CELSR3: variants seen among roughly 807,000 people sequenced by gnomAD.
The protein encoded by CELSR3 is EGF-like protein 1.
In CELSR3, 73 loss-of-function variants were observed where a neutral mutation model predicts 270.0. That is an observed-to-expected ratio of 0.27 (90% CI 0.22 to 0.33). The LOEUF (loss-of-function observed/expected upper bound fraction) is 0.33. Among genes scored for constraint, CELSR3 ranks in the 10% least tolerant of loss-of-function variants. The pLI, the probability that CELSR3 is intolerant of heterozygous loss-of-function variation, is 1.00. For synonymous variants in CELSR3, 1,780 were observed against 1,905.4 expected (o/e 0.93, Z 1.71); for missense variants, 3,614 against 4,533.8 (o/e 0.80, Z 5.83).
Position 48,640,815 on chromosome 3 carries a change from G to C in CELSR3, c.9026-256C>G, listed in dbSNP as rs1177456963. ...GGCGGGCAGGTCTCATGGTGCAGGG[G>C]ATGGGGCAAACTCCCTGAGGTCAGA... On this transcript the variant is annotated intron_variant, in intron 33 of 34. Coordinates refer to ENST00000164024, the MANE Select transcript of CELSR3 (RefSeq NM_001407.3). This position sits in a 1 kb window ranked among gnomAD's most constrained non-coding sequence, Gnocchi z 7.5. The C allele has an allele frequency of 1.3e-5, 7 of 556,216 alleles. No individual in the cohort carries two copies. Among genetic ancestry groups the C allele is most frequent in the Non-Finnish European group, 2.2e-5 (7 of 314,718 alleles). The allele number at this position is 556,216 out of a possible 1,614,324, so 34.5% of individuals were successfully genotyped here. A position where few individuals can be genotyped will look rare whatever the true frequency, so the allele number is the denominator to read the frequency against.
chr3:48,655,266 C>G lies in CELSR3; in HGVS notation c.4830+40G>C, dbSNP rs182089639. 3.7e-6 allele frequency: 6 copies of G among 1,613,918 alleles called. No individual in the cohort carries two copies. In the African/African-American group the frequency reaches 6.7e-5, roughly 18 times the overall value. ...ACCCCTGAGGAGCAGAAGTCAGCAT[C>G]CCAACTCCCCTCATACCCGATGCCA... On this transcript the variant is annotated intron_variant, in intron 5 of 34. Transcript: ENST00000164024. The surrounding 1 kb of genome is among the most constrained non-coding windows in gnomAD (Gnocchi z 5.8).
At position 48,662,473 on chromosome 3, in the gene CELSR3, C is replaced by T. The variant is rs369463194; in HGVS notation, c.162G>A (p.Ala54=). The T allele has an allele frequency of 5.0e-6, 8 of 1,612,660 alleles. No individual in the cohort carries two copies. The African/African-American group carries it at 1.1e-4, about 22-fold the overall frequency. Residue 54 remains alanine, a synonymous_variant, in exon 1 of 35, where the codon GCG becomes GCA. Coordinates refer to ENST00000164024, the MANE Select transcript of CELSR3 (RefSeq NM_001407.3). The surrounding 1 kb of genome is among the most constrained non-coding windows in gnomAD (Gnocchi z 7.1). ...GAGCTAAGGCTCCGCCACCGATATG[C>T]GCCCTTGGCCCCGTAGTGGCAGCTA... ...PGLAATTGPR[A]HIGGGALALC...
In CELSR3 at chr3:48,657,226, G is replaced by T. The variant is rs1458925745; in HGVS notation, c.3871C>A (p.Leu1291Met). The change falls in exon 2 of 35, where the codon CTG becomes ATG. Residue 1291 changes from leucine (L) to methionine (M), a missense_variant. Around this residue, in one of 7 missense-constraint regions of CELSR3, gnomAD observed 1,331 missense variants for 1,933.7 expected, o/e 0.69. Coordinates refer to ENST00000164024, the MANE Select transcript of CELSR3 (RefSeq NM_001407.3). The surrounding 1 kb of genome is among the most constrained non-coding windows in gnomAD (Gnocchi z 5.4). ...NMWQERFLSP[L>M]LGRFLEGVAA... The stretch of plus-strand genomic sequence containing the variant: ...ACGCCCTCGAGGAAGCGGCCCAGCA[G>T]CGGTGACAGGAAGCGCTCCTGCCAC... The T allele has an allele frequency of 7.4e-6, 12 of 1,613,444 alleles. No homozygotes were observed. The highest frequency in any genetic ancestry group is 3.3e-5 in the Admixed American group (2 of 59,968).
chr3:48,657,924 C>T lies in CELSR3; in HGVS notation c.3749-576G>A, dbSNP rs1487986797. On this transcript the variant is annotated intron_variant, in intron 1 of 34. Transcript: ENST00000164024. The surrounding 1 kb of genome is among the most constrained non-coding windows in gnomAD (Gnocchi z 5.4). ...CCCAGTGAAGACTCAATGCCATCCTCCAGAATCCTGGGTTATCAAGCTCCA... is the reference window on the plus strand; with the variant it reads ...CCCAGTGAAGACTCAATGCCATCCTTCAGAATCCTGGGTTATCAAGCTCCA... Among the ~76,000 whole-genome samples the T allele has an allele frequency of 6.6e-6, 1 of 152,178 alleles. No individual in the cohort carries two copies. The highest frequency in any genetic ancestry group is 1.5e-5 in the Non-Finnish European group (1 of 68,034).
In CELSR3 at chr3:48,654,049, G is replaced by A. The variant is rs1451294486; in HGVS notation, c.5153-46C>T. On this transcript the variant is annotated intron_variant, in intron 7 of 34. Transcript: ENST00000164024. The surrounding 1 kb of genome is among the most constrained non-coding windows in gnomAD (Gnocchi z 5.4). ...GCGGACATGAGAACAAGGGTTGGGG[G>A]GCACAAGTGCTGGACAGGACTTTAG... 1.2e-6 allele frequency: 2 copies of A among 1,600,832 alleles called. No individual in the cohort carries two copies. The highest frequency in any genetic ancestry group is 1.1e-5 in the South Asian group (1 of 90,622).
In CELSR3 at chr3:48,651,005, G is replaced by A. The variant is rs925693869; in HGVS notation, c.6257C>T (p.Ser2086Leu). The change falls in exon 15 of 35, where the codon TCG (serine) becomes TTG (leucine). Residue 2086 changes from serine to leucine, a missense_variant. Coordinates refer to ENST00000164024, the MANE Select transcript of CELSR3 (RefSeq NM_001407.3). The surrounding 1 kb of genome is among the most constrained non-coding windows in gnomAD (Gnocchi z 7.4). ...PCDCYPVGST[S>L]RSCAPHSGQC... ...CCCGCTGTGGGGTGCACATGAGCGC[G>A]AGGTGGAGCCCACAGGGTAGCAGTC... The A allele has an allele frequency of 2.1e-5, 34 of 1,607,470 alleles. No homozygotes were observed. Among genetic ancestry groups the A allele is most frequent in the Non-Finnish European group, 2.6e-5 (31 of 1,177,758 alleles).
chr3:48,650,238 A>G lies in CELSR3; in HGVS notation c.6472+242T>C. The G allele has an allele frequency of 1.6e-6, 1 of 625,856 alleles. No homozygotes were observed. Among genetic ancestry groups the G allele is most frequent in the South Asian group, 1.5e-5 (1 of 66,090 alleles). 38.8% of individuals were successfully genotyped at this position (625,856 alleles called of 1,614,324 possible). A position where few individuals can be genotyped will look rare whatever the true frequency, so the allele number is the denominator to read the frequency against. ...GGTCTGCAAAAGCTCTGGTAGTGGG[A>G]GGGGGCAGTGCACCTGAGCAAACAC... On this transcript the variant is annotated intron_variant, in intron 16 of 34. Transcript: ENST00000164024. The surrounding 1 kb of genome is among the most constrained non-coding windows in gnomAD (Gnocchi z 5.1).
chr3:48,648,762 T>C lies in CELSR3; in HGVS notation c.6734A>G (p.Gln2245Arg). The C allele has an allele frequency of 1.2e-6, 2 of 1,612,886 alleles. No individual in the cohort carries two copies. Among genetic ancestry groups the C allele is most frequent in the Non-Finnish European group, 1.7e-6 (2 of 1,179,994 alleles). ...CTGTGTGGCTGTCAGCCCGAAGCCC[T>C]GCTGATGGCTCTCGAAGGCCAGCAG... is the stretch of plus-strand genomic sequence containing the variant. ...AHLLAFESHQQGFGLTATQDA... is the reference protein window; with the variant it reads ...AHLLAFESHQRGFGLTATQDA... Residue 2245 changes from glutamine to arginine, a missense_variant, in exon 18 of 35, where the codon CAG becomes CGG. Around this residue, in one of 7 missense-constraint regions of CELSR3, gnomAD observed 1,331 missense variants for 1,933.7 expected, o/e 0.69. Coordinates refer to ENST00000164024, the MANE Select transcript of CELSR3 (RefSeq NM_001407.3).
Position 48,660,748 on chromosome 3 carries a change from C to A in CELSR3, c.1887G>T (p.Pro629=), listed in dbSNP as rs757502126. Residue 629 remains proline (P), a synonymous_variant, in exon 1 of 35, where the codon CCG becomes CCT. Transcript: ENST00000164024. The surrounding 1 kb of genome is among the most constrained non-coding windows in gnomAD (Gnocchi z 5.5). The stretch of plus-strand genomic sequence containing the variant: ...TGGCCAGGCCCGTGTTGTTGGACAG[C>A]GGTGGCCGGCCAGCATCCTGCGCCC... The part of the protein sequence containing the change: ...RIRAQDAGRP[P]LSNNTGLASI... The A allele has an allele frequency of 6.2e-7, 1 of 1,613,906 alleles. No individual in the cohort carries two copies. Among genetic ancestry groups the A allele is most frequent in the African/African-American group, 1.3e-5 (1 of 74,940 alleles).
In CELSR3 at chr3:48,649,137, C is replaced by T. The variant is rs1258053730; in HGVS notation, c.6551G>A (p.Arg2184Gln). 8 of 1,612,152 alleles carry T rather than the reference C, an allele frequency of 5.0e-6. No individual in the cohort carries two copies. The highest frequency in any genetic ancestry group is 2.5e-6 in the Non-Finnish European group (3 of 1,179,372). The change falls in exon 17 of 35, where the codon CGA becomes CAA. Residue 2184 changes from arginine to glutamine, a missense_variant. Arg to Gln is a conservative substitution (Grantham distance 43). Coordinates refer to ENST00000164024, the MANE Select transcript of CELSR3 (RefSeq NM_001407.3). ...DLFNCTSPAF[R>Q]ELSLLLDGLE... ...CAGTCTCACCAGCAGACTGAGCTCT[C>T]GAAAGGCAGGGGAGGTACAGTTGAA...
chr3:48,660,459 C>T lies in CELSR3; in HGVS notation c.2176G>A (p.Val726Met). 1 of 1,614,154 alleles carries T rather than the reference C, an allele frequency of 6.2e-7. No individual in the cohort carries two copies. The highest frequency in any genetic ancestry group is 8.5e-7 in the Non-Finnish European group (1 of 1,180,046). ...RESVEHYFFG[V>M]EARDHGSPPL... ...GGTGAGCCATGGTCTCGAGCCTCCA[C>T]ACCAAAGAAGTAATGCTCCACAGAC... Residue 726 changes from valine (V) to methionine (M), a missense_variant, in exon 1 of 35, where the codon GTG becomes ATG. Around this residue, in one of 7 missense-constraint regions of CELSR3, gnomAD observed 215 missense variants for 241.2 expected, o/e 0.89. Transcript: ENST00000164024. This position sits in a 1 kb window ranked among gnomAD's most constrained non-coding sequence, Gnocchi z 5.5.
At position 48,657,145 on chromosome 3, in the gene CELSR3, C is replaced by T. The variant is rs1454664923; in HGVS notation, c.3952G>A (p.Asp1318Asn). 2 of 1,613,980 alleles carry T rather than the reference C, an allele frequency of 1.2e-6. No homozygotes were observed. The highest frequency in any genetic ancestry group is 2.2e-5 in the South Asian group (2 of 91,058). The change falls in exon 2 of 35, where the codon GAC becomes AAC. Residue 1318 changes from aspartate to asparagine, a missense_variant. Transcript: ENST00000164024. This position sits in a 1 kb window ranked among gnomAD's most constrained non-coding sequence, Gnocchi z 5.4. Reference sequence around the variant, plus strand: ...AGCACGGTGCCCCCTACGTCTGTGTCGTTCTGGATGTTGAAGATGAAGACG... The same window carrying T: ...AGCACGGTGCCCCCTACGTCTGTGTTGTTCTGGATGTTGAAGATGAAGACG... ...EDVFIFNIQN[D>N]TDVGGTVLNV... is the part of the protein sequence containing the mutation.
At chr3:48,648,113 A>G (rs1003539521) in intron 19 of CELSR3, 117 bp from the exon 20 acceptor site, 24 of 1,459,256 alleles carry the variant, frequency 1.6e-5, no homozygotes, top group African/African-American at 2.8e-5. Flanking sequence ...CTGTGCTACC[A>G]GCTCGGAGCC....
intron 28 of CELSR3, chr3:48,643,329 C>G: frequency 1.5e-6 from 1 of 676,786 alleles, no homozygotes; most frequent in South Asian, 2.0e-5. Flanking sequence ...TGGTGAAGGT[C>G]GATCCAAGAT....
At position 48,642,214 on chromosome 3, in the gene CELSR3, G is replaced by A; in HGVS notation, c.8665+144C>T. ...GAGTGGACTGGGAGAACCAGGGCTG[G>A]AGAGGTAGGTGCCTCCTGAGGCAGG... On this transcript the variant is annotated intron_variant, in intron 31 of 34. Coordinates refer to ENST00000164024, the MANE Select transcript of CELSR3 (RefSeq NM_001407.3). This position sits in a 1 kb window ranked among gnomAD's most constrained non-coding sequence, Gnocchi z 6.1. 1.1e-6 allele frequency: 1 copy of A among 941,496 alleles called. No individual in the cohort carries two copies. Among genetic ancestry groups the A allele is most frequent in the Non-Finnish European group, 1.6e-6 (1 of 644,154 alleles). The allele number at this position is 941,496 out of a possible 1,614,324, so 58.3% of individuals were successfully genotyped here. A position where few individuals can be genotyped will look rare whatever the true frequency, so the allele number is the denominator to read the frequency against.
Position 48,644,856 on chromosome 3 carries a change from G to C in CELSR3, c.7973-28C>G. 1 of 1,596,440 alleles carries C rather than the reference G, an allele frequency of 6.3e-7. No individual in the cohort carries two copies. ...TGGGAAGAGAAAGGGTAGGACTGAG[G>C]GTGTGTGTTCCAGAGCTGCTGACCA... On this transcript the variant is annotated intron_variant, in intron 25 of 34. Coordinates refer to ENST00000164024, the MANE Select transcript of CELSR3 (RefSeq NM_001407.3). The surrounding 1 kb of genome is among the most constrained non-coding windows in gnomAD (Gnocchi z 4.8).
At position 48,639,095 on chromosome 3, in the gene CELSR3, C is replaced by A. The variant is rs558444009; in HGVS notation, c.9911+579G>T. On this transcript the variant is annotated intron_variant, in intron 34 of 34. Transcript: ENST00000164024. This position sits in a 1 kb window ranked among gnomAD's most constrained non-coding sequence, Gnocchi z 4.1. ...TCCGCCATCCCCTTCCCCACAGATG[C>A]TTCACACATACCCGAGATGAACCAG... 6.6e-6 allele frequency among the ~76,000 whole-genome samples: 1 copy of A among 152,254 alleles called. No individual in the cohort carries two copies. The highest frequency in any genetic ancestry group is 2.1e-4 in the South Asian group (1 of 4,822).
chr3:48,652,342 C>T lies in CELSR3; in HGVS notation c.5751+95G>A. ...GGGTCATTCACCCCCTCGCACCAAC[C>T]CCCACTTGAATACTGCCTTTCAGGT... On this transcript the variant is annotated intron_variant, in intron 11 of 34. Coordinates refer to ENST00000164024, the MANE Select transcript of CELSR3 (RefSeq NM_001407.3). The surrounding 1 kb of genome is among the most constrained non-coding windows in gnomAD (Gnocchi z 4.3). 9.7e-7 allele frequency: 1 copy of T among 1,036,124 alleles called. No individual in the cohort carries two copies. Among genetic ancestry groups the T allele is most frequent in the East Asian group, 2.4e-5 (1 of 42,220 alleles). 64.2% of individuals were successfully genotyped at this position (1,036,124 alleles called of 1,614,324 possible).
Position 48,641,284 on chromosome 3 carries a change from C to G in CELSR3, c.9025+40G>C, listed in dbSNP as rs910938144. 9 of 1,331,310 alleles carry G rather than the reference C, an allele frequency of 6.8e-6. No individual in the cohort carries two copies. The African/African-American group carries it at 1.2e-4, about 17-fold the overall frequency. 82.5% of individuals were successfully genotyped at this position (1,331,310 alleles called of 1,614,324 possible). A position where few individuals can be genotyped will look rare whatever the true frequency, so the allele number is the denominator to read the frequency against. ...CTTGGCTCAGGGCATGAGCAGCCCC[C>G]AGCGTGTCTGCGGTGTGGGCCAGGG... On this transcript the variant is annotated intron_variant, in intron 33 of 34. Transcript: ENST00000164024. The surrounding 1 kb of genome is among the most constrained non-coding windows in gnomAD (Gnocchi z 4.8).
Sources: allele counts gnomAD v4.1 joint callset (sites outside exome capture counted in the v4.1 genomes callset), GRCh38; gene constraint gnomAD v4.1.1; regional missense constraint gnomAD v4.1.1; non-coding constraint Gnocchi (gnomAD v3.1); transcripts MANE v1.5; gene names NCBI Gene and HGNC (gene_info 2026-07-23, HGNC 2026-07-21).